ITGA8: variants seen among roughly 807,000 people sequenced by gnomAD.
The protein encoded by ITGA8 is integrin subunit alpha 8, also known as integrin alpha-8.
Under a neutral mutation model 142.3 loss-of-function variants are expected in ITGA8, and 91 were observed. The ratio of observed to expected loss-of-function variants is 0.64; its 90% CI spans 0.54 to 0.76. The LOEUF is 0.76. Among genes scored for constraint, ITGA8 ranks in the 30% least tolerant of loss-of-function variants. The pLI is 0.00. For missense variants in ITGA8, 1,406 were observed against 1,327.7 expected (o/e 1.06, Z -0.92); for synonymous variants, 505 against 485.2 (o/e 1.04, Z -0.54).
intron 23 of ITGA8, among the ~76,000 whole-genome samples, chr10:15,580,884 T>C (rs1834395036): frequency 6.6e-6 from 1 of 152,238 alleles, no homozygotes; most frequent in Non-Finnish European, 1.5e-5. Context: ...ATGTCTCTTT[T>C]TACCGCTTCT....
chr10:15,538,953 G>GT (rs367805176), intron 27 of ITGA8, among the ~76,000 whole-genome samples: 200 of 132,190 alleles, frequency 1.5e-3, no homozygotes, highest in East Asian at 5.8e-3. Context: ...TCAGGTAAAG[G>GT]TTTTTTTTTT....
intron 26 of ITGA8, among the ~76,000 whole-genome samples, chr10:15,550,359 A>G (rs1204824034): frequency 1.3e-5 from 2 of 151,754 alleles, no homozygotes; most frequent in African/African-American, 4.8e-5. Context: ...AATTCTCAAA[A>G]CTCTGTGGTT....
chr10:15,671,629 C>G lies in ITGA8; in HGVS notation c.821G>C (p.Gly274Ala). Residue 274 changes from glycine (G) to alanine (A), a missense_variant, in exon 8 of 30, where the codon GGG (glycine) becomes GCG (alanine). Coordinates refer to ENST00000378076, the MANE Select transcript of ITGA8 (RefSeq NM_003638.3). ...TTGCTGAGAATCCCCAGTAAACTCC[C>G]CAGCAGCAACTGAGTATCCTGTTTT... The part of the protein sequence containing the change: ...DSYLGYSVAA[G>A]EFTGDSQQEL... 1.2e-6 allele frequency: 2 copies of G among 1,612,678 alleles called. No individual in the cohort carries two copies. Among genetic ancestry groups the G allele is most frequent in the Non-Finnish European group, 1.7e-6 (2 of 1,178,910 alleles).
intron 12 of ITGA8, among the ~76,000 whole-genome samples, chr10:15,644,764 A>C (rs9333140): frequency 0.17 from 26,286 of 151,334 alleles, 2,948 homozygotes; most frequent in Admixed American, 0.29. Flanking sequence ...ATGACAAATT[A>C]TTTGTTGCCT....
intron 15 of ITGA8, among the ~76,000 whole-genome samples, chr10:15,610,693 G>A (rs374814667): frequency 6.6e-6 from 1 of 152,278 alleles, no homozygotes; most frequent in South Asian, 2.1e-4. Flanking sequence ...TGTCTATGAT[G>A]AAGAGAAAAT....
chr10:15,613,692 G>C lies in ITGA8; in HGVS notation c.1521C>G (p.Cys507Trp), dbSNP rs1421699413. ...PMIINLENKT[C>W]QVPDSMTSAA... ...CAGATGTCATAGAGTCTGGAACCTG[G>C]CAAGTTTTATTTTCAAGATTGATAA... The change falls in exon 15 of 30, where the codon TGC becomes TGG. Residue 507 changes from cysteine (C) to tryptophan (W), a missense_variant. Coordinates refer to ENST00000378076, the MANE Select transcript of ITGA8 (RefSeq NM_003638.3). 1 of 1,613,912 alleles carries C rather than the reference G, an allele frequency of 6.2e-7. No homozygotes were observed. Among genetic ancestry groups the C allele is most frequent in the Non-Finnish European group, 8.5e-7 (1 of 1,179,774 alleles).
intron 19 of ITGA8, 47 bp downstream of exon 19, chr10:15,605,677 T>A (rs1463896222): frequency 6.9e-7 from 1 of 1,452,662 alleles, no homozygotes; most frequent in Admixed American, 1.7e-5. Context: ...CATAAATACC[T>A]GTAATTCCAT....
chr10:15,718,949 G>T (rs146672288), intron 1 of ITGA8, 50 bp from the exon 2 acceptor site: 2 of 1,612,544 alleles, frequency 1.2e-6, no homozygotes, highest in African/African-American at 1.3e-5. Flanking sequence ...AAAACCGTGC[G>T]CATGCAATGC....
intron 10 of ITGA8, among the ~76,000 whole-genome samples, chr10:15,657,044 C>T (rs1460775227): frequency 2.6e-5 from 4 of 152,174 alleles, no homozygotes; most frequent in Non-Finnish European, 5.9e-5. Flanking sequence ...CTGTTCCAAA[C>T]ATAGATAGTG....
At chr10:15,575,767 A>C (rs187860352) in intron 23 of ITGA8, among the ~76,000 whole-genome samples, 173 bp from the exon 24 acceptor site, 91 of 152,382 alleles carry the variant, frequency 6.0e-4, no homozygotes, top group Admixed American at 2.5e-3. Context: ...CTACAGTGAC[A>C]GTGAAGGATC....
intron 13 of ITGA8, among the ~76,000 whole-genome samples, chr10:15,619,063 A>C (rs1833444230): frequency 6.6e-6 from 1 of 152,192 alleles, no homozygotes; most frequent in Non-Finnish European, 1.5e-5. Flanking sequence ...CAAGTGGGAT[A>C]GCTGAGGTTT....
intron 11 of ITGA8, 133 bp from the exon 12 acceptor site, chr10:15,647,184 A>G: frequency 6.0e-6 from 4 of 665,380 alleles, no homozygotes; most frequent in Non-Finnish European, 1.0e-5. Context: ...CAATCATCAG[A>G]TTGCTTTCGC....
chr10:15,549,201 G>GTTTTTTTTTTTTTTTTTTT lies in ITGA8; in HGVS notation c.2767-652_2767-634dup, dbSNP rs67683436. 1.7e-3 allele frequency among the ~76,000 whole-genome samples: 185 copies of GTTTTTTTTTTTTTTTTTTT among 107,188 alleles called. 11 individuals are homozygous for GTTTTTTTTTTTTTTTTTTT. Among genetic ancestry groups the GTTTTTTTTTTTTTTTTTTT allele is most frequent in the African/African-American group, 2.9e-3 (55 of 18,660 alleles). The allele number at this position is 107,188 out of a possible 152,430, so 70.3% of individuals were successfully genotyped here. On this transcript the variant is annotated intron_variant, in intron 26 of 29. Transcript: ENST00000378076. ...TTCTTTCTTTTTTCTTTTCTTTTCT[G>GTTTTTTTTTTTTTTTTTTT]TTTTTTTTTTTTTTTTTTTTTTTTT...
intron 2 of ITGA8, among the ~76,000 whole-genome samples, chr10:15,714,881 T>G (rs145572201): frequency 6.6e-6 from 1 of 152,176 alleles, no homozygotes; most frequent in Non-Finnish European, 1.5e-5. Flanking sequence ...CCCAGGGACC[T>G]GAACAAGTTG....
At chr10:15,530,541 C>CAAAAAAAAAAA in intron 28 of ITGA8, among the ~76,000 whole-genome samples, 1 of 75,210 alleles carries the variant, frequency 1.3e-5, no homozygotes, top group Non-Finnish European at 2.3e-5. Context: ...GCGAGACTCT[C>CAAAAAAAAAAA]AAAAAAAAAA....
chr10:15,608,711 G>A (rs1272442734), intron 15 of ITGA8, among the ~76,000 whole-genome samples: 2 of 152,188 alleles, frequency 1.3e-5, no homozygotes, highest in Admixed American at 6.5e-5. Flanking sequence ...AAGAAATTCA[G>A]TGTAGTCGGG....
At chr10:15,543,972 T>C (rs1184868194) in intron 27 of ITGA8, among the ~76,000 whole-genome samples, 1 of 152,040 alleles carries the variant, frequency 6.6e-6, no homozygotes, top group African/African-American at 2.4e-5. Context: ...TACAAGCCAC[T>C]GAATGCCCAG....
intron 2 of ITGA8, among the ~76,000 whole-genome samples, chr10:15,714,557 C>CTTTGCATATG (rs1273664955): frequency 6.6e-6 from 1 of 152,116 alleles, no homozygotes; most frequent in African/African-American, 2.4e-5. Flanking sequence ...TGCATCTCCC[C>CTTTGCATATG]CACCAGCATA....
chr10:15,558,059 A>C lies in ITGA8; in HGVS notation c.2766+15T>G, dbSNP rs1833914747. ...ACTCATTTCCCTCAGTTCTATGCACACTGGGATAACTCACCAGTATTTTTG... is the reference window on the plus strand; with the variant it reads ...ACTCATTTCCCTCAGTTCTATGCACCCTGGGATAACTCACCAGTATTTTTG... On this transcript the variant is annotated intron_variant, in intron 26 of 29. Transcript: ENST00000378076. The C allele has an allele frequency of 8.1e-6, 13 of 1,613,540 alleles. No homozygotes were observed. The highest frequency in any genetic ancestry group is 9.3e-6 in the Non-Finnish European group (11 of 1,180,006).
Sources: allele counts gnomAD v4.1 joint callset (sites outside exome capture counted in the v4.1 genomes callset), GRCh38; gene constraint gnomAD v4.1.1; transcripts MANE v1.5; gene names NCBI Gene and HGNC (gene_info 2026-07-23, HGNC 2026-07-21).